BAZ1A: variants seen among roughly 807,000 people sequenced by gnomAD.
BAZ1A encodes the protein bromodomain adjacent to zinc finger domain 1A.
A neutral mutation model predicts 185.2 loss-of-function variants in BAZ1A; 50 were observed. The observed-to-expected ratio is 0.27, with a 90% CI of 0.22 to 0.34. BAZ1A has a LOEUF of 0.34. BAZ1A is among the 10% of genes least tolerant of loss of function. The probability of loss-of-function intolerance (pLI) is 1.00; values close to 1 mark genes in which losing one functional copy is unlikely to be tolerated. For missense variants in BAZ1A, 1,356 were observed against 1,839.9 expected (o/e 0.74, Z 4.81); for synonymous variants, 571 against 615.6 (o/e 0.93, Z 1.07).
intron 3 of BAZ1A, among the ~76,000 whole-genome samples, chr14:34,860,518 TAAA>T (rs397852116): frequency 1.4e-5 from 1 of 70,604 alleles, no homozygotes; most frequent in Non-Finnish European, 2.5e-5. Context: ...TACCAAAAGT[TAAA>T]AAAAAAAAAA....
At chr14:34,757,494 G>T (rs1886306558) in intron 25 of BAZ1A, among the ~76,000 whole-genome samples, 2 of 151,136 alleles carry the variant, frequency 1.3e-5, no homozygotes, top group South Asian at 4.2e-4. Context: ...GTGAAACCCT[G>T]TCGCTAATAA....
Position 34,832,215 on chromosome 14 carries a change from C to CACACACACACATATATATAT in BAZ1A, c.393-6060_393-6059insATATATATATGTGTGTGTGT. On this transcript the variant is annotated intron_variant, in intron 3 of 26. Coordinates refer to ENST00000360310, the MANE Select transcript of BAZ1A (RefSeq NM_013448.3). ...ATACACACACACACACACACACACACATATATATATATATATGTATGTATG... is the reference window on the plus strand; with the variant it reads ...ATACACACACACACACACACACACACACACACACACATATATATATATATATATATATATATGTATGTATG... Among the ~76,000 whole-genome samples, 142 of 89,694 alleles carry CACACACACACATATATATAT rather than the reference C, an allele frequency of 1.6e-3. 2 individuals carry two copies. Among genetic ancestry groups the CACACACACACATATATATAT allele is most frequent in the Non-Finnish European group, 2.4e-3 (101 of 42,732 alleles). 58.8% of individuals were successfully genotyped at this position (89,694 alleles called of 152,430 possible). A position where few individuals can be genotyped will look rare whatever the true frequency, so the allele number is the denominator to read the frequency against.
intron 4 of BAZ1A, among the ~76,000 whole-genome samples, chr14:34,824,640 A>T (rs2042139779): frequency 6.6e-6 from 1 of 152,204 alleles, no homozygotes; most frequent in South Asian, 2.1e-4. Context: ...GTGCCTGATC[A>T]CAGTCAATTC....
Position 34,753,551 on chromosome 14 carries a change from T to A in BAZ1A, c.4628A>T (p.Asp1543Val). ...LGLHVTPSNV[D>V]QVSTPPAAKK... ...CGCAGCCGGTGGTGTGCTAACTTGG[T>A]CCACATTACTGGGTGTGACGTGGAG... Residue 1543 changes from aspartate (D) to valine (V), a missense_variant, in exon 27 of 27, where the codon GAC becomes GTC. Asp to Val is a radical substitution (Grantham distance 152). Transcript: ENST00000360310. The A allele has an allele frequency of 6.2e-7, 1 of 1,614,110 alleles. No homozygotes were observed.
chr14:34,848,669 T>C (rs2042553239), intron 3 of BAZ1A, among the ~76,000 whole-genome samples: 1 of 152,232 alleles, frequency 6.6e-6, no homozygotes, highest in Admixed American at 6.5e-5. Flanking sequence ...AGTCTCATGC[T>C]CACTTTGGCA....
At chr14:34,848,050 C>T (rs539000118) in intron 3 of BAZ1A, among the ~76,000 whole-genome samples, 7 of 152,046 alleles carry the variant, frequency 4.6e-5, no homozygotes, top group East Asian at 1.9e-4. Flanking sequence ...TTTATAGAGG[C>T]GGGGTTTTGT....
In BAZ1A at chr14:34,874,556, C is replaced by T. The variant is rs2043010387; in HGVS notation, c.49G>A (p.Asp17Asn). 2 of 1,611,842 alleles carry T rather than the reference C, an allele frequency of 1.2e-6. No individual in the cohort carries two copies. The highest frequency in any genetic ancestry group is 8.5e-7 in the Non-Finnish European group (1 of 1,179,070). ...KPFVRQKPPA[D>N]LRPDEEVFYC... is the part of the protein sequence containing the mutation. Reference sequence around the variant, plus strand: ...AAAACTTCCTCGTCGGGCCGCAGGTCCGCGGGCGGCTTCTGTCTCACAAAC... The same window carrying T: ...AAAACTTCCTCGTCGGGCCGCAGGTTCGCGGGCGGCTTCTGTCTCACAAAC... Residue 17 changes from aspartate to asparagine, a missense_variant, in exon 2 of 27, where the codon GAC becomes AAC. By Grantham distance (23) the Asp-to-Asn change is conservative. Coordinates refer to ENST00000360310, the MANE Select transcript of BAZ1A (RefSeq NM_013448.3). This position sits in a 1 kb window ranked among gnomAD's most constrained non-coding sequence, Gnocchi z 4.7.
intron 3 of BAZ1A, among the ~76,000 whole-genome samples, chr14:34,832,207 C>CATATATATATATATATATAT (rs2042254467): frequency 1.5e-5 from 1 of 67,444 alleles, no homozygotes; most frequent in Non-Finnish European, 3.3e-5. Context: ...CACACACACA[C>CATATATATATATATATATAT]ACACACACAT....
intron 4 of BAZ1A, among the ~76,000 whole-genome samples, chr14:34,823,353 CAA>C (rs550729836): frequency 4.0e-5 from 5 of 125,354 alleles, no homozygotes; most frequent in Non-Finnish European, 5.1e-5. Context: ...GACTCTGTCT[CAA>C]AAAAAAAAAA....
intron 2 of BAZ1A, among the ~76,000 whole-genome samples, chr14:34,867,131 C>T (rs769963902): frequency 1.4e-4 from 22 of 151,908 alleles, no homozygotes; most frequent in Non-Finnish European, 2.9e-4. Flanking sequence ...TGGTGGCACG[C>T]GCCTGTAGTC....
intron 3 of BAZ1A, among the ~76,000 whole-genome samples, chr14:34,840,074 T>C (rs1426697070): frequency 6.6e-6 from 1 of 152,168 alleles, no homozygotes; most frequent in Non-Finnish European, 1.5e-5. Context: ...ATACAAGTTT[T>C]TATTTGATTT....
At chr14:34,760,584 G>T (rs371657462) in intron 24 of BAZ1A, among the ~76,000 whole-genome samples, 2 of 151,052 alleles carry the variant, frequency 1.3e-5, no homozygotes, top group Admixed American at 1.3e-4. Flanking sequence ...GTGTGGTGGC[G>T]CACACCTGTA....
intron 25 of BAZ1A, among the ~76,000 whole-genome samples, chr14:34,756,839 G>C (rs1178361574): frequency 6.6e-6 from 1 of 152,074 alleles, no homozygotes; most frequent in Non-Finnish European, 1.5e-5. Flanking sequence ...CTGGGGACTT[G>C]TCAGAAATCC....
intron 3 of BAZ1A, among the ~76,000 whole-genome samples, chr14:34,849,403 G>GA (rs1457626707): frequency 6.6e-6 from 1 of 152,068 alleles, no homozygotes; most frequent in Non-Finnish European, 1.5e-5. Context: ...GTATAGTATA[G>GA]AAAAAACGGT....
chr14:34,759,184 T>TTTTTTTTTTTTTTTTTTTTTTG (rs1886410722), intron 24 of BAZ1A, among the ~76,000 whole-genome samples: 2 of 108,028 alleles, frequency 1.9e-5, no homozygotes, highest in African/African-American at 3.9e-5. Context: ...TTTTTTTTTT[T>TTTTTTTTTTTTTTTTTTTTTTG]TTTTTTTTTT....
intron 25 of BAZ1A, 99 bp downstream of exon 25, chr14:34,758,605 C>G: frequency 8.1e-7 from 1 of 1,234,300 alleles, no homozygotes; most frequent in East Asian, 2.5e-5. Context: ...ACAAAAAAAA[C>G]TAGACAGTGA....
chr14:34,770,897 C>T (rs1281322298), intron 21 of BAZ1A, among the ~76,000 whole-genome samples: 1 of 151,326 alleles, frequency 6.6e-6, no homozygotes, highest in Non-Finnish European at 1.5e-5. Flanking sequence ...AAATGGTAAA[C>T]TTTTAAGTCA....
rs531580595 is a variant in BAZ1A at position 34,773,750 on chromosome 14, A to G, written c.2998-24T>C. ...ACCTGTAACAAAATTCAAACTTACT[A>G]ACCATGAAAAATGGAATATATTGTT... On this transcript the variant is annotated intron_variant, in intron 19 of 26. Transcript: ENST00000360310. 4 of 1,610,286 alleles carry G rather than the reference A, an allele frequency of 2.5e-6. No homozygotes were observed. The South Asian group carries it at 4.4e-5, about 18-fold the overall frequency.
At chr14:34,860,229 C>T (rs942354245) in intron 3 of BAZ1A, among the ~76,000 whole-genome samples, 2 of 151,978 alleles carry the variant, frequency 1.3e-5, no homozygotes, top group African/African-American at 4.8e-5. Flanking sequence ...CCAATATAGG[C>T]TGGGCTTGGT....
Sources: gnomAD v4.1 joint callset for allele counts (sites outside exome capture counted in the v4.1 genomes callset) on GRCh38, gnomAD v4.1.1 for gene constraint, Gnocchi (gnomAD v3.1) non-coding constraint, MANE v1.5 for transcripts, NCBI Gene and HGNC (gene_info 2026-07-23, HGNC 2026-07-21) for gene names.